The following DENND6A variants were observed in gnomAD, a reference collection of about 807,000 sequenced individuals.
The protein encoded by DENND6A is DENN domain containing 6A.
Under a neutral mutation model 95.5 loss-of-function variants are expected in DENND6A, and 43 were observed. The observed-to-expected ratio is 0.45, with a 90% CI of 0.35 to 0.58. The LOEUF (loss-of-function observed/expected upper bound fraction) is 0.58. Among genes scored for constraint, DENND6A ranks in the 20% least tolerant of loss-of-function variants. The probability of loss-of-function intolerance (pLI) is 0.00; values close to 1 mark genes in which losing one functional copy is unlikely to be tolerated. For missense variants in DENND6A, 574 were observed against 736.0 expected (o/e 0.78, Z 2.55); for synonymous variants, 257 against 260.4 (o/e 0.99, Z 0.13).
intron 8 of DENND6A, 122 bp downstream of exon 8, chr3:57,658,996 G>T: frequency 1.2e-6 from 1 of 820,130 alleles, no homozygotes; most frequent in Non-Finnish European, 1.9e-6. Context: ...TTATTTAATG[G>T]GACATTTCAG....
intron 11 of DENND6A, among the ~76,000 whole-genome samples, chr3:57,644,208 G>A (rs998814185): frequency 2.0e-5 from 3 of 151,332 alleles, no homozygotes; most frequent in Non-Finnish European, 2.9e-5. Context: ...AATACCTAGC[G>A]AACACCAACA....
At chr3:57,692,758 A>G (rs1266724432) in intron 1 of DENND6A, 24 bp downstream of exon 1, 16 of 1,440,502 alleles carry the variant, frequency 1.1e-5, no homozygotes, top group Non-Finnish European at 1.5e-5. Flanking sequence ...AGGAGCGCCG[A>G]GAAAGGGCGG....
intron 1 of DENND6A, among the ~76,000 whole-genome samples, chr3:57,682,373 ATAG>A (rs1055250429): frequency 5.9e-5 from 9 of 151,464 alleles, no homozygotes; most frequent in Non-Finnish European, 8.8e-5. Flanking sequence ...CTTGAAGATC[ATAG>A]TATTTCAGTA....
chr3:57,677,174 A>G (rs1246539074), intron 1 of DENND6A, among the ~76,000 whole-genome samples: 7 of 152,146 alleles, frequency 4.6e-5, no homozygotes, highest in Admixed American at 1.3e-4. Context: ...ATTTGCTCCA[A>G]ACAAACAAAA....
intron 12 of DENND6A, among the ~76,000 whole-genome samples, chr3:57,640,992 A>G (rs1156825024): frequency 6.6e-6 from 1 of 151,632 alleles, no homozygotes; most frequent in Non-Finnish European, 1.5e-5. Flanking sequence ...CTAAATCAAT[A>G]ACCTGTGCTA....
intron 1 of DENND6A, among the ~76,000 whole-genome samples, chr3:57,686,525 G>A (rs2077213055): frequency 6.6e-6 from 1 of 152,136 alleles, no homozygotes; most frequent in Non-Finnish European, 1.5e-5. Flanking sequence ...CCTACATTAA[G>A]CAAGTCTATC....
Position 57,678,141 on chromosome 3 carries a change from T to C in DENND6A, c.238-5703A>G, listed in dbSNP as rs564961298. Among the ~76,000 whole-genome samples, 13 of 152,328 alleles carry C rather than the reference T, an allele frequency of 8.5e-5. No homozygotes were observed. The South Asian group carries it at 2.5e-3, about 29-fold the overall frequency. ...TCTGTTATAATCCACTTAGACTAAATACCAAATTCTTTTGGCATTCATAGG... is the reference window on the plus strand; with the variant it reads ...TCTGTTATAATCCACTTAGACTAAACACCAAATTCTTTTGGCATTCATAGG... On this transcript the variant is annotated intron_variant, in intron 1 of 19. Transcript: ENST00000311128.
chr3:57,636,830 G>A (rs533023492), intron 12 of DENND6A, among the ~76,000 whole-genome samples: 1 of 151,680 alleles, frequency 6.6e-6, no homozygotes, highest in African/African-American at 2.4e-5. Flanking sequence ...CCAGCTACTC[G>A]GGAGGCTGAC....
chr3:57,629,365 G>A (rs539478994), intron 18 of DENND6A, among the ~76,000 whole-genome samples: 5 of 152,086 alleles, frequency 3.3e-5, no homozygotes, highest in African/African-American at 4.8e-5. Flanking sequence ...GGGAGTTTAT[G>A]AGTAGAAAGT....
chr3:57,653,695 G>A (rs1197061099), intron 9 of DENND6A, among the ~76,000 whole-genome samples: 1 of 147,416 alleles, frequency 6.8e-6, no homozygotes, highest in Non-Finnish European at 1.5e-5. Flanking sequence ...GCAGTGAGCC[G>A]AGATCGCACC....
Position 57,661,602 on chromosome 3 carries a change from C to T in DENND6A, c.514-51G>A, listed in dbSNP as rs151062659. ...TTAAAAATTGCTTTGTCATTCATTT[C>T]TTGCATAATCAATTACTAACAAGCT... On this transcript the variant is annotated intron_variant, in intron 5 of 19. Transcript: ENST00000311128. 1,106 of 1,398,138 alleles carry T rather than the reference C, an allele frequency of 7.9e-4. 10 individuals carry two copies. The African/African-American group carries it at 0.015, about 19-fold the overall frequency. The allele number at this position is 1,398,138 out of a possible 1,614,324, so 86.6% of individuals were successfully genotyped here.
chr3:57,691,491 C>T (rs1440613171), intron 1 of DENND6A, among the ~76,000 whole-genome samples: 1 of 152,082 alleles, frequency 6.6e-6, no homozygotes, highest in Admixed American at 6.6e-5. Context: ...CCACAACTAA[C>T]ATAATGCCTG....
chr3:57,642,114 G>A (rs2070956570), intron 11 of DENND6A, among the ~76,000 whole-genome samples: 1 of 151,726 alleles, frequency 6.6e-6, no homozygotes, highest in African/African-American at 2.4e-5. Context: ...GGAGTTCGAG[G>A]CCAACCTGGC....
chr3:57,645,665 C>G lies in DENND6A; in HGVS notation c.1033G>C (p.Ala345Pro). Residue 345 changes from alanine to proline, a missense_variant, in exon 11 of 20, where the codon GCT becomes CCT. By Grantham distance (27) the Ala-to-Pro change is conservative (BLOSUM62 -1). Transcript: ENST00000311128. ...EFKEYTTRTQ[A>P]PPSVILGVTN... ...ATAGAAGTTATTTTTACTTACGGAG[C>G]TTGGGTACGGGTAGTATATTCTTTG... is the stretch of plus-strand genomic sequence containing the variant. 6.2e-7 allele frequency: 1 copy of G among 1,606,930 alleles called. No homozygotes were observed. The highest frequency in any genetic ancestry group is 8.5e-7 in the Non-Finnish European group (1 of 1,176,194).
At chr3:57,683,283 A>C (rs1304723260) in intron 1 of DENND6A, among the ~76,000 whole-genome samples, 1 of 152,114 alleles carries the variant, frequency 6.6e-6, no homozygotes, top group Non-Finnish European at 1.5e-5. Context: ...TTTCAGAAAA[A>C]CTCAATAAAT....
intron 6 of DENND6A, 130 bp downstream of exon 6, chr3:57,661,316 T>C: frequency 1.4e-6 from 1 of 696,712 alleles, no homozygotes; most frequent in South Asian, 2.7e-5. Flanking sequence ...GTTTTATACC[T>C]TTCTCCTATC....
chr3:57,642,567 G>A (rs1293107727), intron 11 of DENND6A, among the ~76,000 whole-genome samples: 2 of 152,146 alleles, frequency 1.3e-5, no homozygotes, highest in Non-Finnish European at 2.9e-5. Flanking sequence ...CAGAAAGGAT[G>A]AATAGTCAGA....
At chr3:57,672,172 T>C in intron 3 of DENND6A, 84 bp downstream of exon 3, 1 of 1,286,718 alleles carries the variant, frequency 7.8e-7, no homozygotes, top group African/African-American at 1.5e-5. Flanking sequence ...TAATATGCTA[T>C]TTCAATCAAT....
At chr3:57,661,635 G>T in intron 5 of DENND6A, 84 bp from the exon 6 acceptor site, 2 of 1,077,196 alleles carry the variant, frequency 1.9e-6, no homozygotes, top group Non-Finnish European at 2.6e-6. Context: ...GCTAAATTCA[G>T]CAAAAAGTGT....
Sources: allele counts gnomAD v4.1 joint callset (sites outside exome capture counted in the v4.1 genomes callset), GRCh38; gene constraint gnomAD v4.1.1; transcripts MANE v1.5; gene names NCBI Gene and HGNC (gene_info 2026-07-23, HGNC 2026-07-21).